The following PDCD11 variants were observed in gnomAD, a reference collection of about 807,000 sequenced individuals.
The protein encoded by PDCD11 is protein RRP5 homolog.
Under a neutral mutation model 198.9 loss-of-function variants are expected in PDCD11, and 97 were observed. That is an observed-to-expected ratio of 0.49 (90% CI 0.41 to 0.58). The LOEUF (loss-of-function observed/expected upper bound fraction) is 0.58. PDCD11 is among the 20% of genes least tolerant of loss of function. The probability of loss-of-function intolerance (pLI) is 0.00; values close to 1 mark genes in which losing one functional copy is unlikely to be tolerated. For missense variants in PDCD11, 2,102 were observed against 2,312.7 expected (o/e 0.91, Z 1.87); for synonymous variants, 893 against 918.0 (o/e 0.97, Z 0.49).
At chr10:103,425,629 C>A in intron 20 of PDCD11, 104 bp downstream of exon 20, 1 of 930,396 alleles carries the variant, frequency 1.1e-6, no homozygotes, top group Non-Finnish European at 1.6e-6. Flanking sequence ...AAGTCAGATT[C>A]TCTTTTAGTT....
In PDCD11 at chr10:103,434,882, C is replaced by G; in HGVS notation, c.3752C>G (p.Pro1251Arg). The G allele has an allele frequency of 6.2e-7, 1 of 1,613,080 alleles. No homozygotes were observed. Residue 1251 changes from proline (P) to arginine (R), a missense_variant, in exon 25 of 36, where the codon CCC becomes CGC. By Grantham distance (103) the Pro-to-Arg change is moderately radical (BLOSUM62 -2). Coordinates refer to ENST00000369797, the MANE Select transcript of PDCD11 (RefSeq NM_014976.2). ...AACGAGGGGCTGACCGTCTCCTTCC[C>G]CTTTGGGAAGATAGGAACAGTCAGT... Reference protein sequence around the residue: ...TPNEGLTVSFPFGKIGTVSIF... With the variant: ...TPNEGLTVSFRFGKIGTVSIF...
rs756922186 is a variant in PDCD11 at position 103,403,249 on chromosome 10, G to A, written c.366G>A (p.Lys122=). 4.3e-6 allele frequency: 7 copies of A among 1,614,208 alleles called. No individual in the cohort carries two copies. The South Asian group carries it at 7.7e-5, about 18-fold the overall frequency. ...VTEICDAYTK[K]LNEQVTQEQP... is the part of the protein sequence containing the mutation. ...AAATCTGTGATGCCTACACCAAAAA[G>A]CTGAATGAGCAGGTGACACAAGAAC... Residue 122 remains lysine (K), a synonymous_variant, in exon 4 of 36, where the codon AAG becomes AAA. Transcript: ENST00000369797.
intron 26 of PDCD11, 145 bp downstream of exon 26, chr10:103,438,216 C>A: frequency 1.5e-6 from 1 of 685,776 alleles, no homozygotes; most frequent in South Asian, 1.7e-5. Context: ...CCCAGAAAAG[C>A]TGAGGCTGTT....
chr10:103,432,343 A>G (rs1012195303), intron 22 of PDCD11, 109 bp downstream of exon 22: 43 of 768,828 alleles, frequency 5.6e-5, no homozygotes, highest in Admixed American at 1.0e-4. Context: ...AGTCTGTGCT[A>G]CCATGCTGGG....
intron 22 of PDCD11, among the ~76,000 whole-genome samples, chr10:103,433,198 G>A (rs1316589370): frequency 2.0e-5 from 3 of 152,098 alleles, no homozygotes; most frequent in Non-Finnish European, 2.9e-5. Flanking sequence ...CTAGAAAATT[G>A]GAGTATGTAT....
rs114331203 is a variant in PDCD11, at chr10:103,443,136, C to T, written c.4956-29C>T. Reference sequence around the variant, plus strand: ...CGGGAGGCTCACTGGTTTCATGTGGCGCTCATGTGCTGACTGCTCTCCCTC... The same window carrying T: ...CGGGAGGCTCACTGGTTTCATGTGGTGCTCATGTGCTGACTGCTCTCCCTC... On this transcript the variant is annotated intron_variant, in intron 32 of 35. Coordinates refer to ENST00000369797, the MANE Select transcript of PDCD11 (RefSeq NM_014976.2). 5.4e-4 allele frequency: 829 copies of T among 1,535,472 alleles called. No homozygotes were observed. The African/African-American group carries it at 8.7e-3, about 16-fold the overall frequency.
At chr10:103,436,894 A>G (rs1434438323) in intron 25 of PDCD11, among the ~76,000 whole-genome samples, 1 of 152,090 alleles carries the variant, frequency 6.6e-6, no homozygotes. Flanking sequence ...TTGGACTACT[A>G]ATTGCCATTT....
intron 9 of PDCD11, 40 bp from the exon 10 acceptor site, chr10:103,413,926 G>C: frequency 1.9e-6 from 3 of 1,568,686 alleles, no homozygotes; most frequent in Non-Finnish European, 2.6e-6. Flanking sequence ...GCTCAGACCT[G>C]TTGTCCCTGG....
rs901297183 is a variant in PDCD11, at chr10:103,400,226, C to G, written c.103-171C>G. 3.7e-5 allele frequency among the ~76,000 whole-genome samples: 5 copies of G among 135,406 alleles called. No individual in the cohort carries two copies. The East Asian group carries it at 1.1e-3, about 31-fold the overall frequency. The allele number at this position is 135,406 out of a possible 152,430, so 88.8% of individuals were successfully genotyped here. ...AGAGGGAACATTGGCGGCCCCCCCC[C>G]TTTTTTTTTTTTTTTTAAGCAAGAA... On this transcript the variant is annotated intron_variant, in intron 2 of 35. Coordinates refer to ENST00000369797, the MANE Select transcript of PDCD11 (RefSeq NM_014976.2).
At chr10:103,423,504 G>T (rs894334360) in intron 18 of PDCD11, 39 bp from the exon 19 acceptor site, 6 of 1,461,610 alleles carry the variant, frequency 4.1e-6, no homozygotes, top group Non-Finnish European at 5.8e-6. Flanking sequence ...CCTTCACTCT[G>T]TTCCAGAAGG....
Position 103,405,036 on chromosome 10 carries a change from G to T in PDCD11, c.417G>T (p.Leu139Phe), listed in dbSNP as rs965510422. 1.9e-6 allele frequency: 3 copies of T among 1,613,900 alleles called. No individual in the cohort carries two copies. Among genetic ancestry groups the T allele is most frequent in the Non-Finnish European group, 2.5e-6 (3 of 1,179,892 alleles). The change falls in exon 5 of 36, where the codon TTG (leucine) becomes TTT (phenylalanine). Residue 139 changes from leucine (L) to phenylalanine (F), a missense_variant. Physicochemically the swap from Leu to Phe is conservative, Grantham distance 22. Transcript: ENST00000369797. The part of the protein sequence containing the change: ...QEQPLKDLLH[L>F]PELFSPGMLV... The stretch of plus-strand genomic sequence containing the variant: ...GTGTTATGCAGGACCTACTTCACTT[G>T]CCTGAACTTTTCTCACCTGGAATGC...
rs573394178 is a variant in PDCD11, at chr10:103,442,358, G to A, written c.4853G>A (p.Ser1618Asn). Residue 1618 changes from serine to asparagine, a missense_variant, in exon 32 of 36, where the codon AGC (serine) becomes AAC (asparagine). Physicochemically the swap from Ser to Asn is conservative, Grantham distance 46. Coordinates refer to ENST00000369797, the MANE Select transcript of PDCD11 (RefSeq NM_014976.2). Reference sequence around the variant, plus strand: ...CGACTGGTGCTGAGCTCCCCCAACAGCTCCATTCTGTGGCTGCAGTACATG... The same window carrying A: ...CGACTGGTGCTGAGCTCCCCCAACAACTCCATTCTGTGGCTGCAGTACATG... Reference protein sequence around the residue: ...FDRLVLSSPNSSILWLQYMAF... With the variant: ...FDRLVLSSPNNSILWLQYMAF... 5 of 1,614,248 alleles carry A rather than the reference G, an allele frequency of 3.1e-6. No individual in the cohort carries two copies. In the South Asian group the frequency reaches 5.5e-5, roughly 18 times the overall value.
chr10:103,427,427 G>A (rs763641984), intron 21 of PDCD11, 36 bp downstream of exon 21: 2 of 1,514,894 alleles, frequency 1.3e-6, no homozygotes, highest in Non-Finnish European at 1.8e-6. Flanking sequence ...CTTACGGAAA[G>A]AGCACTGGGC....
Position 103,427,312 on chromosome 10 carries a change from CTTAT to C in PDCD11, c.3306-14_3306-11del, listed in dbSNP as rs564953054. 301 of 1,607,544 alleles carry C rather than the reference CTTAT, an allele frequency of 1.9e-4. No homozygotes were observed. The highest frequency in any genetic ancestry group is 8.2e-4 in the Middle Eastern group (5 of 6,070). On this transcript the variant is annotated splice_polypyrimidine_tract_variant and intron_variant, in intron 20 of 35. Transcript: ENST00000369797. ...ACAGAGATGAAGAGAAATGATTCAG[CTTAT>C]TTGTTTCTCCAGGTATCTCCCAATA...
chr10:103,421,841 C>T (rs2031448882), intron 17 of PDCD11, among the ~76,000 whole-genome samples: 1 of 150,638 alleles, frequency 6.6e-6, no homozygotes, highest in Admixed American at 6.6e-5. Flanking sequence ...GTGGCGGGCG[C>T]CTGTAGTCCC....
intron 35 of PDCD11, among the ~76,000 whole-genome samples, chr10:103,445,160 T>C (rs2032551523): frequency 6.6e-6 from 1 of 152,188 alleles, no homozygotes; most frequent in South Asian, 2.1e-4. Flanking sequence ...TTACCATCTC[T>C]GGGTGTCCAT....
intron 22 of PDCD11, 136 bp downstream of exon 22, chr10:103,432,370 C>T (rs1413219182): frequency 7.8e-6 from 5 of 640,040 alleles, no homozygotes; most frequent in South Asian, 3.6e-5. Flanking sequence ...GGAGACAGTA[C>T]GTGGCCTCTG....
chr10:103,407,596 G>A (rs2030538797), intron 7 of PDCD11, among the ~76,000 whole-genome samples: 1 of 151,956 alleles, frequency 6.6e-6, no homozygotes, highest in Admixed American at 6.6e-5. Flanking sequence ...ATTTTATAGA[G>A]GTGAAGTCTT....
chr10:103,432,728 G>C (rs59961207), intron 22 of PDCD11, among the ~76,000 whole-genome samples: 1 of 152,186 alleles, frequency 6.6e-6, no homozygotes. Context: ...ATTGTTGCCA[G>C]ATTCCTCTTC....
Sources: gnomAD v4.1 joint callset for allele counts (sites outside exome capture counted in the v4.1 genomes callset) on GRCh38, gnomAD v4.1.1 for gene constraint, MANE v1.5 for transcripts, NCBI Gene and HGNC (gene_info 2026-07-23, HGNC 2026-07-21) for gene names.